The following ARHGAP26 variants were observed in gnomAD, a reference collection of about 807,000 sequenced individuals.
The protein encoded by ARHGAP26 is Rho GTPase activating protein 26, also known as rho GTPase-activating protein 26.
Under a neutral mutation model 104.8 loss-of-function variants are expected in ARHGAP26, and 38 were observed. That is an observed-to-expected ratio of 0.36 (90% CI 0.28 to 0.48). ARHGAP26 has a LOEUF of 0.48. ARHGAP26 is among the 20% of genes least tolerant of loss of function. The probability of loss-of-function intolerance (pLI) is 0.99; values close to 1 mark genes in which losing one functional copy is unlikely to be tolerated. For synonymous variants in ARHGAP26, 341 were observed against 340.0 expected (o/e 1.00, Z -0.03); for missense variants, 704 against 947.9 (o/e 0.74, Z 3.38).
intron 17 of ARHGAP26, among the ~76,000 whole-genome samples, chr5:143,115,436 A>C (rs945097774): frequency 6.6e-6 from 1 of 151,868 alleles, no homozygotes; most frequent in African/African-American, 2.4e-5. Context: ...TTTTTACACC[A>C]AAGAATGAAA....
At chr5:142,993,695 A>G (rs1053000631) in intron 11 of ARHGAP26, among the ~76,000 whole-genome samples, 11 of 152,030 alleles carry the variant, frequency 7.2e-5, no homozygotes, top group African/African-American at 2.7e-4. Flanking sequence ...CTGGAGTGCC[A>G]TGGCATCATG....
At chr5:142,877,860 A>G (rs1756355918) in intron 3 of ARHGAP26, among the ~76,000 whole-genome samples, 2 of 152,196 alleles carry the variant, frequency 1.3e-5, no homozygotes, top group South Asian at 4.1e-4. Flanking sequence ...CATTGACTTT[A>G]GGGGCTTGGC....
At chr5:142,878,634 G>A (rs1756480541) in intron 3 of ARHGAP26, among the ~76,000 whole-genome samples, 1 of 152,112 alleles carries the variant, frequency 6.6e-6, no homozygotes, top group Admixed American at 6.6e-5. Context: ...TGGTAGTCAG[G>A]GAAGGCCTCC....
At chr5:142,879,002 A>G (rs892904033) in intron 3 of ARHGAP26, among the ~76,000 whole-genome samples, 8 of 152,062 alleles carry the variant, frequency 5.3e-5, no homozygotes, top group African/African-American at 1.9e-4. Context: ...GTGTTGATCT[A>G]CTTTACCCAT....
chr5:142,963,495 C>T lies in ARHGAP26; in HGVS notation c.1107+31370C>T, dbSNP rs116615112. On this transcript the variant is annotated intron_variant, in intron 11 of 22. Transcript: ENST00000645722. ...CCACAATATAAGCATTTTCTTTTCT[C>T]CACAACCTTACCAGCATCTCTTATT... Among the ~76,000 whole-genome samples, 945 of 152,052 alleles carry T rather than the reference C, an allele frequency of 6.2e-3. 10 individuals carry two copies. The highest frequency in any genetic ancestry group is 0.022 in the African/African-American group (893 of 41,468).
chr5:142,771,114 T>C, intron 1 of ARHGAP26, 199 bp downstream of exon 1: 1 of 1,318,970 alleles, frequency 7.6e-7, no homozygotes, highest in Admixed American at 3.8e-5. Flanking sequence ...GACCCGTCGC[T>C]CCGCCTTTTG....
At chr5:142,906,098 T>C (rs1194642430) in intron 8 of ARHGAP26, among the ~76,000 whole-genome samples, 1 of 152,222 alleles carries the variant, frequency 6.6e-6, no homozygotes, top group Non-Finnish European at 1.5e-5. Context: ...TGTTTCTTCA[T>C]GATTAGATTT....
At chr5:142,859,415 CTTTCTTTTCTGG>C (rs1314139944) in intron 1 of ARHGAP26, among the ~76,000 whole-genome samples, 7 of 152,110 alleles carry the variant, frequency 4.6e-5, no homozygotes, top group African/African-American at 1.7e-4. Flanking sequence ...AAGCTGTTTT[CTTTCTTTTCTGG>C]TTTCTTTCCT....
intron 16 of ARHGAP26, among the ~76,000 whole-genome samples, chr5:143,057,183 A>G (rs959834228): frequency 2.0e-5 from 3 of 152,204 alleles, no homozygotes; most frequent in Non-Finnish European, 4.4e-5. Flanking sequence ...GATACTGGAC[A>G]TTTCCTTTGA....
intron 1 of ARHGAP26, among the ~76,000 whole-genome samples, chr5:142,783,922 A>T (rs1406301835): frequency 6.6e-6 from 1 of 152,364 alleles, no homozygotes; most frequent in Middle Eastern, 3.4e-3. Context: ...TGGGCGACTT[A>T]CCCAGCAGAT....
At chr5:142,793,274 T>TTTTA (rs796096753) in intron 1 of ARHGAP26, among the ~76,000 whole-genome samples, 14 of 147,236 alleles carry the variant, frequency 9.5e-5, no homozygotes, top group African/African-American at 3.3e-4. Flanking sequence ...TTTTTTTTTT[T>TTTTA]AATCTATCTT....
chr5:143,078,598 CTT>C (rs1357020365), intron 17 of ARHGAP26, among the ~76,000 whole-genome samples: 1 of 152,158 alleles, frequency 6.6e-6, no homozygotes, highest in Non-Finnish European at 1.5e-5. Context: ...TCAGAGAAAA[CTT>C]TTCAGGAATG....
At chr5:143,205,853 C>A (rs1024123814) in intron 20 of ARHGAP26, among the ~76,000 whole-genome samples, 11 of 152,192 alleles carry the variant, frequency 7.2e-5, no homozygotes, top group African/African-American at 2.7e-4. Context: ...ATAGTACCTA[C>A]AGACACTGGA....
chr5:142,855,118 G>A (rs1597922823), intron 1 of ARHGAP26, among the ~76,000 whole-genome samples: 1 of 152,128 alleles, frequency 6.6e-6, no homozygotes, highest in South Asian at 2.1e-4. Flanking sequence ...GCAGCGGTGT[G>A]TGGTTTGCAT....
chr5:142,873,461 A>C lies in ARHGAP26; in HGVS notation c.216A>C (p.Ile72=), dbSNP rs764008846. The stretch of plus-strand genomic sequence containing the variant: ...TAAATGAATTTAAATTTCAGTGCAT[A>C]GGAGATGCAGAAACAGATGATGAGA... ...DSLNEFKFQC[I]GDAETDDEMC... Residue 72 remains isoleucine, a synonymous_variant, in exon 2 of 23, where the codon ATA becomes ATC. Coordinates refer to ENST00000645722, the MANE Select transcript of ARHGAP26 (RefSeq NM_001135608.3). The C allele has an allele frequency of 6.3e-7, 1 of 1,599,620 alleles. No homozygotes were observed. The highest frequency in any genetic ancestry group is 1.1e-5 in the South Asian group (1 of 87,686).
At chr5:143,055,386 G>T in intron 15 of ARHGAP26, among the ~76,000 whole-genome samples, 1 of 152,158 alleles carries the variant, frequency 6.6e-6, no homozygotes, top group Non-Finnish European at 1.5e-5. Flanking sequence ...CTAAAACTAG[G>T]AGTCGAATTA....
chr5:143,119,678 A>G (rs996774156), intron 17 of ARHGAP26, among the ~76,000 whole-genome samples: 13 of 152,218 alleles, frequency 8.5e-5, no homozygotes, highest in African/African-American at 2.7e-4. Context: ...CTTAGCAATC[A>G]AAAAGCAAAT....
At chr5:142,911,999 T>G (rs1761891664) in intron 9 of ARHGAP26, among the ~76,000 whole-genome samples, 1 of 152,260 alleles carries the variant, frequency 6.6e-6, no homozygotes, top group Non-Finnish European at 1.5e-5. Flanking sequence ...TTTTACCTTA[T>G]GTAGCCACAC....
intron 15 of ARHGAP26, 94 bp from the exon 16 acceptor site, chr5:143,055,934 A>G: frequency 1.2e-6 from 1 of 803,522 alleles, no homozygotes; most frequent in East Asian, 2.7e-5. Flanking sequence ...TCTTCGAGAA[A>G]TGTATTACAG....
Sources: gnomAD v4.1 joint callset for allele counts (sites outside exome capture counted in the v4.1 genomes callset) on GRCh38, gnomAD v4.1.1 for gene constraint, MANE v1.5 for transcripts, NCBI Gene and HGNC (gene_info 2026-07-23, HGNC 2026-07-21) for gene names.